The following MLLT10 variants were observed in gnomAD, a reference collection of about 807,000 sequenced individuals.
MLLT10 encodes MLLT10 histone lysine methyltransferase DOT1L cofactor.
Under a neutral mutation model 129.1 loss-of-function variants are expected in MLLT10, and 30 were observed. The ratio of observed to expected loss-of-function variants is 0.23; its 90% CI spans 0.17 to 0.32. The LOEUF (loss-of-function observed/expected upper bound fraction) is 0.32, where lower values mean the gene tolerates loss of function less well. Ranked by LOEUF, MLLT10 falls within the 10% of genes least tolerant of loss-of-function variation. MLLT10 has a pLI of 1.00. For synonymous variants in MLLT10, 490 were observed against 446.4 expected (o/e 1.10, Z -1.23); for missense variants, 1,119 against 1,268.3 (o/e 0.88, Z 1.79).
intron 8 of MLLT10, among the ~76,000 whole-genome samples, chr10:21,648,405 T>G (rs1175940504): frequency 2.6e-5 from 4 of 152,244 alleles, no homozygotes; most frequent in South Asian, 4.1e-4. Flanking sequence ...CACATGTACA[T>G]GTGTATTTTT....
intron 8 of MLLT10, among the ~76,000 whole-genome samples, chr10:21,638,862 C>T (rs1036286438): frequency 6.6e-6 from 1 of 152,124 alleles, no homozygotes; most frequent in Non-Finnish European, 1.5e-5. Context: ...TCCTCTCCAC[C>T]TAACCAGAGT....
chr10:21,686,433 A>T (rs78524438), intron 13 of MLLT10, among the ~76,000 whole-genome samples: 4,164 of 152,080 alleles, frequency 0.027, 184 homozygotes, highest in African/African-American at 0.094. Context: ...AAATTTCTTA[A>T]ATTTCTCTGA....
At chr10:21,602,318 C>T (rs2043613638) in intron 5 of MLLT10, among the ~76,000 whole-genome samples, 1 of 152,064 alleles carries the variant, frequency 6.6e-6, no homozygotes, top group Admixed American at 6.5e-5. Flanking sequence ...TTCTCCCCTA[C>T]CCCCAGCTGG....
chr10:21,589,753 T>G (rs2042320566), intron 4 of MLLT10, among the ~76,000 whole-genome samples: 1 of 152,214 alleles, frequency 6.6e-6, no homozygotes, highest in African/African-American at 2.4e-5. Flanking sequence ...TCACTTAAAA[T>G]GAAACAGTTT....
intron 3 of MLLT10, chr10:21,556,516 T>A: frequency 3.0e-6 from 2 of 658,584 alleles, no homozygotes; most frequent in Non-Finnish European, 2.6e-6. Flanking sequence ...GCTCCTGGTG[T>A]CTCTGAGTGT....
intron 3 of MLLT10, among the ~76,000 whole-genome samples, chr10:21,572,271 G>A (rs988900048): frequency 2.0e-5 from 3 of 152,190 alleles, no homozygotes; most frequent in African/African-American, 7.2e-5. Flanking sequence ...GTCTAGCCCT[G>A]TTATTCTGAT....
intron 3 of MLLT10, among the ~76,000 whole-genome samples, chr10:21,554,988 A>G (rs966784712): frequency 1.4e-5 from 2 of 146,392 alleles, no homozygotes; most frequent in South Asian, 2.2e-4. Context: ...TGCCCAGCTA[A>G]TTTTCTATTT....
In MLLT10 at chr10:21,673,073, C is replaced by T. The variant is rs1052723465; in HGVS notation, c.1052-277C>T. Among the ~76,000 whole-genome samples, 9 of 152,106 alleles carry T rather than the reference C, an allele frequency of 5.9e-5. No homozygotes were observed. The South Asian group carries it at 6.2e-4, about 11-fold the overall frequency. ...GTGGCAAAAGGTAGGTGAAATAAAG[C>T]GCATCTTATATCTTAATAATTATTT... On this transcript the variant is annotated intron_variant, in intron 10 of 22. Coordinates refer to ENST00000307729, the MANE Select transcript of MLLT10 (RefSeq NM_001195626.3).
At chr10:21,672,803 C>CACT (rs1231673695) in intron 10 of MLLT10, among the ~76,000 whole-genome samples, 3 of 152,156 alleles carry the variant, frequency 2.0e-5, no homozygotes, top group African/African-American at 7.2e-5. Flanking sequence ...CAATAACAAT[C>CACT]ACTAGTATGT....
At chr10:21,723,301 C>T (rs1454007104) in intron 14 of MLLT10, among the ~76,000 whole-genome samples, 1 of 152,102 alleles carries the variant, frequency 6.6e-6, no homozygotes, top group Non-Finnish European at 1.5e-5. Context: ...TGCCACCCCT[C>T]TGAAATTTGA....
At chr10:21,711,063 A>C (rs983844590) in intron 13 of MLLT10, among the ~76,000 whole-genome samples, 4 of 152,266 alleles carry the variant, frequency 2.6e-5, no homozygotes, top group Middle Eastern at 3.4e-3. Flanking sequence ...CTTAGAATTT[A>C]TCCTGCTCTA....
At chr10:21,714,522 T>C (rs1170326238) in intron 14 of MLLT10, among the ~76,000 whole-genome samples, 1 of 152,172 alleles carries the variant, frequency 6.6e-6, no homozygotes, top group Non-Finnish European at 1.5e-5. Flanking sequence ...ATAGGTGACC[T>C]AGTCTATAGG....
At position 21,670,453 on chromosome 10, in the gene MLLT10, A is replaced by C; in HGVS notation, c.800A>C (p.Tyr267Ser). Residue 267 changes from tyrosine (Y) to serine (S), a missense_variant, in exon 10 of 23, where the codon TAT becomes TCT. Tyr to Ser is a moderately radical substitution (Grantham distance 144, BLOSUM62 -2). Transcript: ENST00000307729. The stretch of plus-strand genomic sequence containing the variant: ...CTTTTTGAATCAAAATGTTAGACTT[A>C]TACAAGCACTAGCAACAACTCTATA... ...PSLTVTTEKT[Y>S]TSTSNNSISG... 1 of 1,609,156 alleles carries C rather than the reference A, an allele frequency of 6.2e-7. No individual in the cohort carries two copies. The highest frequency in any genetic ancestry group is 8.5e-7 in the Non-Finnish European group (1 of 1,178,470).
At chr10:21,670,346 G>A in intron 9 of MLLT10, 103 bp from the exon 10 acceptor site, 1 of 1,105,984 alleles carries the variant, frequency 9.0e-7, no homozygotes, top group Non-Finnish European at 1.2e-6. Flanking sequence ...CAGAAACTTT[G>A]TGTTTATTCT....
At chr10:21,602,463 CTT>C (rs2043632253) in intron 5 of MLLT10, among the ~76,000 whole-genome samples, 2 of 152,108 alleles carry the variant, frequency 1.3e-5, no homozygotes, top group African/African-American at 2.4e-5. Context: ...TGTCAAGAAT[CTT>C]TTGTATATAC....
intron 3 of MLLT10, among the ~76,000 whole-genome samples, chr10:21,580,072 G>A (rs2041237287): frequency 6.6e-6 from 1 of 150,666 alleles, no homozygotes; most frequent in Non-Finnish European, 1.5e-5. Flanking sequence ...CCAGGCTGGA[G>A]TGCAGTATTG....
intron 3 of MLLT10, among the ~76,000 whole-genome samples, chr10:21,557,346 A>G (rs1039104996): frequency 1.3e-5 from 2 of 152,230 alleles, no homozygotes; most frequent in African/African-American, 2.4e-5. Context: ...AGATCCACGT[A>G]CAAGAAGTTC....
chr10:21,715,512 A>G (rs1305748523), intron 14 of MLLT10, among the ~76,000 whole-genome samples: 1 of 152,194 alleles, frequency 6.6e-6, no homozygotes, highest in Non-Finnish European at 1.5e-5. Context: ...CTTTTTAATT[A>G]AGTGCAACCA....
chr10:21,582,719 G>T (rs1415471209), intron 3 of MLLT10, among the ~76,000 whole-genome samples: 1 of 152,178 alleles, frequency 6.6e-6, no homozygotes, highest in Admixed American at 6.6e-5. Context: ...GCACAATACA[G>T]TTATGGATTA....
Sources: allele counts gnomAD v4.1 joint callset (sites outside exome capture counted in the v4.1 genomes callset), GRCh38; gene constraint gnomAD v4.1.1; transcripts MANE v1.5; gene names NCBI Gene and HGNC (gene_info 2026-07-23, HGNC 2026-07-21).